Variants in TANC1 observed in about 807,000 individuals in gnomAD.
The protein encoded by TANC1 is protein TANC1.
In TANC1, 77 loss-of-function variants were observed where a neutral mutation model predicts 149.7. That is an observed-to-expected ratio of 0.51 (90% CI 0.43 to 0.62). The LOEUF is 0.62. Among genes scored for constraint, TANC1 ranks in the 20% least tolerant of loss-of-function variants. The pLI is 0.00. For missense variants in TANC1, 1,985 were observed against 2,321.8 expected, an observed-to-expected ratio of 0.85 and a Z score of 2.98; for synonymous variants, 854 against 925.0, an observed-to-expected ratio of 0.92 and a Z score of 1.39.
At chr2:159,194,638 T>C in intron 17 of TANC1, 145 bp downstream of exon 17, 1 of 724,192 alleles carries the variant, frequency 1.4e-6, no homozygotes, top group Non-Finnish European at 2.3e-6. Flanking sequence ...TTGGTCACTT[T>C]GTAATGTGGC....
intron 2 of TANC1, among the ~76,000 whole-genome samples, chr2:159,032,558 A>C (rs1391516648): frequency 1.3e-5 from 2 of 152,188 alleles, no homozygotes; most frequent in Non-Finnish European, 2.9e-5. Context: ...GGCTGTTAAA[A>C]TATAACAGCC....
intron 2 of TANC1, among the ~76,000 whole-genome samples, chr2:159,046,771 T>C (rs2041092543): frequency 6.6e-6 from 1 of 151,614 alleles, no homozygotes; most frequent in African/African-American, 2.4e-5. Context: ...TGGCTAATTT[T>C]TTTTGTATTT....
intron 2 of TANC1, among the ~76,000 whole-genome samples, chr2:159,006,791 A>G (rs1025274036): frequency 6.6e-6 from 1 of 152,316 alleles, no homozygotes; most frequent in Middle Eastern, 3.4e-3. Context: ...ATTGTTAGAC[A>G]GATTGAATAT....
At chr2:159,039,675 T>C (rs1364153210) in intron 2 of TANC1, among the ~76,000 whole-genome samples, 1 of 152,260 alleles carries the variant, frequency 6.6e-6, no homozygotes, top group Admixed American at 6.5e-5. Context: ...GTGAGTTTCT[T>C]AGTCCTGAGT....
At chr2:159,184,152 G>A (rs2056760084) in intron 14 of TANC1, among the ~76,000 whole-genome samples, 1 of 152,184 alleles carries the variant, frequency 6.6e-6, no homozygotes, top group Non-Finnish European at 1.5e-5. Flanking sequence ...TAAGCATATG[G>A]GGGTCATAGT....
intron 3 of TANC1, among the ~76,000 whole-genome samples, chr2:159,094,964 G>A (rs2045946341): frequency 6.8e-6 from 1 of 147,156 alleles, no homozygotes; most frequent in Non-Finnish European, 1.5e-5. Flanking sequence ...TTTTTTTTTT[G>A]AGATGGAGTC....
intron 2 of TANC1, among the ~76,000 whole-genome samples, chr2:159,013,683 G>C (rs2037988850): frequency 6.6e-6 from 1 of 152,156 alleles, no homozygotes; most frequent in South Asian, 2.1e-4. Context: ...ATATTGTCTT[G>C]TGTCCTCCTG....
At chr2:159,149,119 A>G (rs760886790) in intron 5 of TANC1, 23 bp from the exon 6 acceptor site, 2 of 1,558,768 alleles carry the variant, frequency 1.3e-6, no homozygotes, top group East Asian at 2.3e-5. Flanking sequence ...GGGCATCTTC[A>G]TTGTTTTCTT....
intron 3 of TANC1, among the ~76,000 whole-genome samples, chr2:159,070,199 G>T (rs531470422): frequency 1.3e-5 from 2 of 152,182 alleles, no homozygotes; most frequent in African/African-American, 4.8e-5. Context: ...AAACCATCTA[G>T]CTCCTCCATA....
At chr2:159,038,711 T>A (rs1236069833) in intron 2 of TANC1, among the ~76,000 whole-genome samples, 1 of 152,100 alleles carries the variant, frequency 6.6e-6, no homozygotes, top group African/African-American at 2.4e-5. Flanking sequence ...CCACTTGATC[T>A]TGGTGGATAA....
intron 4 of TANC1, among the ~76,000 whole-genome samples, chr2:159,128,641 G>C (rs915077297): frequency 4.3e-4 from 65 of 152,268 alleles, no homozygotes; most frequent in African/African-American, 1.5e-3. Context: ...TCAGGCAAGA[G>C]ACAAAAGCAC....
intron 2 of TANC1, among the ~76,000 whole-genome samples, chr2:159,012,872 T>C (rs143929409): frequency 1.3e-5 from 2 of 152,324 alleles, no homozygotes; most frequent in African/African-American, 2.4e-5. Context: ...TGGGGGGATG[T>C]AGGAGGCTAC....
chr2:159,184,040 G>A (rs2056749377), intron 14 of TANC1, among the ~76,000 whole-genome samples: 1 of 152,174 alleles, frequency 6.6e-6, no homozygotes, highest in South Asian at 2.1e-4. Context: ...AAGAGCACAG[G>A]CTCTCCTGTC....
At chr2:159,078,381 A>G (rs539119591) in intron 3 of TANC1, among the ~76,000 whole-genome samples, 262 of 152,358 alleles carry the variant, frequency 1.7e-3, no homozygotes, top group Middle Eastern at 0.01. Context: ...GTTCTAAGCA[A>G]GGCAAATGTG....
chr2:159,043,899 C>G (rs2040845537), intron 2 of TANC1, among the ~76,000 whole-genome samples: 1 of 152,188 alleles, frequency 6.6e-6, no homozygotes, highest in Non-Finnish European at 1.5e-5. Context: ...TACAGGTTGC[C>G]TTACCTCAAA....
intron 1 of TANC1, among the ~76,000 whole-genome samples, chr2:158,981,493 ATATATATATATATATATATATATATAT>A (rs2034325469): frequency 6.2e-5 from 3 of 48,560 alleles, no homozygotes; most frequent in South Asian, 5.3e-4. Flanking sequence ...TATAGCTTTT[ATATATATATATATATATATATATATAT>A]ATATATATAT....
intron 5 of TANC1, among the ~76,000 whole-genome samples, chr2:159,140,686 A>ATTTT (rs375936311): frequency 1.4e-4 from 15 of 109,776 alleles, no homozygotes; most frequent in African/African-American, 1.8e-4. Context: ...GAGATTCTCT[A>ATTTT]TTTTTTTTTT....
intron 3 of TANC1, among the ~76,000 whole-genome samples, chr2:159,084,603 G>A (rs938383002): frequency 1.7e-4 from 26 of 152,298 alleles, no homozygotes; most frequent in African/African-American, 4.8e-4. Flanking sequence ...GTTTGGATTT[G>A]AGTAGTTAGT....
chr2:159,031,334 A>G (rs1205507808), intron 2 of TANC1, among the ~76,000 whole-genome samples: 2 of 152,212 alleles, frequency 1.3e-5, no homozygotes, highest in Non-Finnish European at 2.9e-5. Flanking sequence ...ATGGACACTG[A>G]AAACAACAGG....
Sources: gnomAD v4.1 joint callset for allele counts (sites outside exome capture counted in the v4.1 genomes callset) on GRCh38, gnomAD v4.1.1 for gene constraint, MANE v1.5 for transcripts, NCBI Gene and HGNC (gene_info 2026-07-23, HGNC 2026-07-21) for gene names.